Variants in LIMS1 observed in about 807,000 individuals in gnomAD.
LIMS1 encodes LIM and senescent cell antigen-like-containing domain protein 1.
In LIMS1, 18 loss-of-function variants were observed where a neutral mutation model predicts 44.1. The ratio of observed to expected loss-of-function variants is 0.41; its 90% CI spans 0.28 to 0.61. The LOEUF is 0.61. Among genes scored for constraint, LIMS1 ranks in the 20% least tolerant of loss-of-function variants. The pLI, the probability that LIMS1 is intolerant of heterozygous loss-of-function variation, is 0.32. For missense variants in LIMS1, 201 were observed against 422.0 expected (o/e 0.48, Z 4.59); for synonymous variants, 93 against 149.1 (o/e 0.62, Z 2.74).
chr2:108,543,704 T>TA (rs1460180793), intron 1 of LIMS1, among the ~76,000 whole-genome samples: 1 of 152,194 alleles, frequency 6.6e-6, no homozygotes, highest in Non-Finnish European at 1.5e-5. Flanking sequence ...GTTAATCACT[T>TA]ACGTCTTCAG....
intron 1 of LIMS1, among the ~76,000 whole-genome samples, chr2:108,576,980 A>G (rs767706930): frequency 1.3e-5 from 2 of 152,182 alleles, no homozygotes; most frequent in Non-Finnish European, 2.9e-5. Flanking sequence ...CCACAGCTTC[A>G]CATTTCCTTA....
chr2:108,540,610 A>G (rs1684285758), intron 1 of LIMS1, among the ~76,000 whole-genome samples: 1 of 152,270 alleles, frequency 6.6e-6, no homozygotes, highest in African/African-American at 2.4e-5. Context: ...TGAAGATCTA[A>G]GAAAATTTAT....
chr2:108,601,766 C>G (rs2104722751), intron 1 of LIMS1, among the ~76,000 whole-genome samples: 1 of 152,370 alleles, frequency 6.6e-6, no homozygotes, highest in East Asian at 1.9e-4. Context: ...ATCCACCCAC[C>G]TTGGCCTCCC....
intron 1 of LIMS1, among the ~76,000 whole-genome samples, chr2:108,628,556 C>T (rs1688711208): frequency 6.6e-6 from 1 of 152,214 alleles, no homozygotes; most frequent in African/African-American, 2.4e-5. Context: ...GAGCCTTCGC[C>T]TCCCAGGCTC....
chr2:108,619,685 A>AAAAAC (rs897611738), intron 1 of LIMS1, among the ~76,000 whole-genome samples: 151 of 152,168 alleles, frequency 9.9e-4, no homozygotes, highest in African/African-American at 3.3e-3. Flanking sequence ...CTCTGTCTCA[A>AAAAAC]AAAACAAAAC....
intron 1 of LIMS1, among the ~76,000 whole-genome samples, chr2:108,608,391 C>T (rs1268809208): frequency 6.6e-6 from 1 of 151,580 alleles, no homozygotes; most frequent in African/African-American, 2.4e-5. Context: ...CTGAAACCTC[C>T]GCCTCCCGGG....
intron 2 of LIMS1, among the ~76,000 whole-genome samples, chr2:108,663,295 T>A (rs200275491): frequency 5.3e-5 from 8 of 151,918 alleles, no homozygotes; most frequent in Admixed American, 6.6e-5. Flanking sequence ...ATTAAAAAAA[T>A]TTTTTTTGCA....
intron 1 of LIMS1, among the ~76,000 whole-genome samples, chr2:108,638,606 G>A (rs763314444): frequency 6.6e-6 from 1 of 152,102 alleles, no homozygotes; most frequent in Non-Finnish European, 1.5e-5. Context: ...AATTAGCCTG[G>A]TGTGGTAGCA....
rs1248370235 is a variant in LIMS1, at chr2:108,667,547, A to AT, written c.193-3234_193-3233insT. Among the ~76,000 whole-genome samples, 154 of 72,484 alleles carry AT rather than the reference A, an allele frequency of 2.1e-3. 1 individual carries two copies. The Middle Eastern group carries it at 0.021, about 10-fold the overall frequency. The allele number at this position is 72,484 out of a possible 152,430, so 47.6% of individuals were successfully genotyped here. Reference sequence around the variant, plus strand: ...TATTTTCAACCTTTTTTAAAAAAAAAAAAAATATATATATATATATATACT... The same window carrying AT: ...TATTTTCAACCTTTTTTAAAAAAAAATAAAAATATATATATATATATATACT... On this transcript the variant is annotated intron_variant, in intron 2 of 9. Coordinates refer to ENST00000544547, the Ensembl canonical transcript of LIMS1.
At chr2:108,648,668 A>G in intron 1 of LIMS1, among the ~76,000 whole-genome samples, 1 of 152,246 alleles carries the variant, frequency 6.6e-6, no homozygotes, top group Non-Finnish European at 1.5e-5. Context: ...GAAGCCTCAG[A>G]AATAACGCCA....
At chr2:108,631,455 C>T (rs1329351935) in intron 1 of LIMS1, among the ~76,000 whole-genome samples, 3 of 151,900 alleles carry the variant, frequency 2.0e-5, no homozygotes, top group African/African-American at 7.3e-5. Context: ...TAGACCTACT[C>T]AAGGAGGATT....
At chr2:108,549,279 C>CTGTTTTTTTT (rs1684598595) in intron 1 of LIMS1, among the ~76,000 whole-genome samples, 1 of 55,784 alleles carries the variant, frequency 1.8e-5, no homozygotes, top group Non-Finnish European at 3.1e-5. Context: ...TAAAGTGTTT[C>CTGTTTTTTTT]TTTTTTTTTT....
At chr2:108,626,600 T>C (rs1407943103) in intron 1 of LIMS1, among the ~76,000 whole-genome samples, 2 of 152,328 alleles carry the variant, frequency 1.3e-5, no homozygotes, top group East Asian at 3.9e-4. Context: ...CCTGTGCATC[T>C]AGCACGTACT....
intron 2 of LIMS1, among the ~76,000 whole-genome samples, chr2:108,665,963 A>G (rs1691728130): frequency 6.6e-6 from 1 of 152,050 alleles, no homozygotes; most frequent in African/African-American, 2.4e-5. Context: ...TAGAAAACAC[A>G]AACCATTTTC....
intron 1 of LIMS1, among the ~76,000 whole-genome samples, chr2:108,633,617 G>A (rs1407962410): frequency 2.0e-5 from 3 of 152,090 alleles, no homozygotes; most frequent in Admixed American, 6.6e-5. Context: ...TTTCATTTAT[G>A]AGCTGCCATA....
intron 1 of LIMS1, among the ~76,000 whole-genome samples, chr2:108,612,721 G>A (rs968995553): frequency 3.9e-5 from 6 of 152,010 alleles, no homozygotes; most frequent in East Asian, 1.9e-4. Flanking sequence ...CCCTCAAACC[G>A]ACCATTCACA....
At chr2:108,540,516 T>C (rs2104568097) in intron 1 of LIMS1, among the ~76,000 whole-genome samples, 1 of 152,316 alleles carries the variant, frequency 6.6e-6, no homozygotes, top group African/African-American at 2.4e-5. Flanking sequence ...ACAGATTCTT[T>C]TAAAGGGTTT....
rs577133466 is a variant in LIMS1, at chr2:108,618,021, C to T, written c.33-41584C>T. 2.0e-5 allele frequency among the ~76,000 whole-genome samples: 3 copies of T among 152,224 alleles called. 1 individual carries two copies. The South Asian group carries it at 6.2e-4, about 32-fold the overall frequency. On this transcript the variant is annotated intron_variant, in intron 1 of 9. Transcript: ENST00000544547. ...ACCACTGGGCATGTGGGGGAAAGCC[C>T]CAGGAGTTTTATGAGGTAGTAATTT...
At chr2:108,684,175 C>G in exon 10 of LIMS1, 1 of 369,848 alleles carries the variant, frequency 2.7e-6, no homozygotes, top group South Asian at 5.1e-5. Flanking sequence ...GTTTAAAACA[C>G]AAATGAAGTC....
Sources: allele counts gnomAD v4.1 joint callset (sites outside exome capture counted in the v4.1 genomes callset), GRCh38; gene constraint gnomAD v4.1.1; transcripts MANE v1.5; gene names NCBI Gene and HGNC (gene_info 2026-07-23, HGNC 2026-07-21).